Variants in ARHGAP6 observed in about 807,000 individuals in gnomAD.
ARHGAP6 encodes Rho GTPase activating protein 6.
A neutral mutation model predicts 55.7 loss-of-function variants in ARHGAP6; 16 were observed. The ratio of observed to expected loss-of-function variants is 0.29; its 90% CI spans 0.19 to 0.44. The LOEUF (loss-of-function observed/expected upper bound fraction) is 0.44. Ranked by LOEUF, ARHGAP6 falls within the 20% of genes least tolerant of loss-of-function variation. The pLI, the probability that ARHGAP6 is intolerant of heterozygous loss-of-function variation, is 1.00. For synonymous variants in ARHGAP6, 382 were observed against 360.9 expected, an observed-to-expected ratio of 1.06 and a Z score of -0.66; for missense variants, 698 against 808.9, an observed-to-expected ratio of 0.86 and a Z score of 1.66.
At chrX:11,193,577 T>G (rs1569249899) in intron 3 of ARHGAP6, among the ~76,000 whole-genome samples, 1 of 112,475 alleles carries the variant, frequency 8.9e-6, no homozygotes, top group African/African-American at 3.2e-5. Flanking sequence ...ACTTAAAATT[T>G]TTTTGTTTTG....
At chrX:11,327,987 C>T (rs1241912817) in intron 1 of ARHGAP6, among the ~76,000 whole-genome samples, 2 of 112,125 alleles carry the variant, frequency 1.8e-5, no homozygotes, top group Non-Finnish European at 3.8e-5. Flanking sequence ...TCAACAAAGA[C>T]ATTGCTGATT....
chrX:11,341,234 T>C (rs1464274790), intron 1 of ARHGAP6, among the ~76,000 whole-genome samples: 1 of 111,730 alleles, frequency 9.0e-6, no homozygotes, highest in Non-Finnish European at 1.9e-5. Context: ...CCAAAACCCA[T>C]GTCAACCCAG....
intron 2 of ARHGAP6, 112 bp from the exon 3 acceptor site, chrX:11,197,108 T>A (rs1376511741): frequency 4.3e-6 from 2 of 460,298 alleles, no homozygotes; most frequent in Non-Finnish European, 7.5e-6. Flanking sequence ...CACTTATAAT[T>A]TGACATTTTA....
intron 1 of ARHGAP6, among the ~76,000 whole-genome samples, chrX:11,649,262 A>G (rs1403570159): frequency 2.7e-5 from 3 of 111,679 alleles, no homozygotes; most frequent in African/African-American, 9.7e-5. Flanking sequence ...TGAACTTTCC[A>G]GGCATCCCAG....
chrX:11,404,113 T>G (rs967232261), intron 1 of ARHGAP6, among the ~76,000 whole-genome samples: 3 of 111,847 alleles, frequency 2.7e-5, no homozygotes, highest in Non-Finnish European at 3.8e-5. Flanking sequence ...CTCTTTAATT[T>G]CCACCACTTA....
chrX:11,442,842 G>T (rs2050053514), intron 1 of ARHGAP6, among the ~76,000 whole-genome samples: 1 of 111,880 alleles, frequency 8.9e-6, no homozygotes, highest in African/African-American at 3.3e-5. Context: ...AAGGGCCAGG[G>T]CTAATTATGT....
At chrX:11,540,564 C>G (rs773963264) in intron 1 of ARHGAP6, among the ~76,000 whole-genome samples, 1 of 111,638 alleles carries the variant, frequency 9.0e-6, no homozygotes, top group African/African-American at 3.3e-5. Flanking sequence ...GATGTCCCCC[C>G]AGCTTGAGAG....
At chrX:11,587,613 A>G (rs2051751149) in intron 1 of ARHGAP6, among the ~76,000 whole-genome samples, 1 of 112,112 alleles carries the variant, frequency 8.9e-6, no homozygotes, top group African/African-American at 3.2e-5. Flanking sequence ...TTGGTTCCCA[A>G]TAATTTAAAA....
chrX:11,338,652 T>G (rs1238400358), intron 1 of ARHGAP6, among the ~76,000 whole-genome samples: 1 of 112,222 alleles, frequency 8.9e-6, no homozygotes, highest in Non-Finnish European at 1.9e-5. Flanking sequence ...TGCCAATATC[T>G]TCTCACTTTG....
intron 1 of ARHGAP6, among the ~76,000 whole-genome samples, chrX:11,337,479 T>G (rs184308998): frequency 5.4e-5 from 6 of 112,055 alleles, no homozygotes; most frequent in African/African-American, 1.9e-4. Context: ...TGAATCAGTT[T>G]GGAGGTCTGA....
intron 1 of ARHGAP6, among the ~76,000 whole-genome samples, chrX:11,308,044 T>C (rs1448539870): frequency 8.9e-6 from 1 of 112,606 alleles, no homozygotes; most frequent in Non-Finnish European, 1.9e-5. Flanking sequence ...TTTATACCTA[T>C]GGTGGCATGT....
chrX:11,426,061 A>T (rs1193932569), intron 1 of ARHGAP6, among the ~76,000 whole-genome samples: 1 of 112,666 alleles, frequency 8.9e-6, no homozygotes, highest in Non-Finnish European at 1.9e-5. Flanking sequence ...ATGAACGAGC[A>T]TTAGTAACTT....
intron 1 of ARHGAP6, among the ~76,000 whole-genome samples, chrX:11,494,162 C>G (rs1201700314): frequency 8.9e-6 from 1 of 112,113 alleles, no homozygotes; most frequent in Non-Finnish European, 1.9e-5. Context: ...TCCACTGTGA[C>G]AACAAACACA....
At chrX:11,223,147 A>T (rs933044664) in intron 2 of ARHGAP6, 1 of 171,575 alleles carries the variant, frequency 5.8e-6, no homozygotes, top group Admixed American at 8.5e-5. Flanking sequence ...ATTTTCATTT[A>T]CTGTCTAGCT....
intron 1 of ARHGAP6, among the ~76,000 whole-genome samples, chrX:11,639,194 T>C (rs749473312): frequency 1.3e-4 from 14 of 110,983 alleles, no homozygotes; most frequent in Non-Finnish European, 2.6e-4. Context: ...GAAAAGAGTA[T>C]AAATTATTTT....
rs1323261836 is a variant in ARHGAP6 at position 11,193,068 on chromosome X, C to T, written c.820+3857G>A. On this transcript the variant is annotated intron_variant, in intron 3 of 12. Transcript: ENST00000337414. ...TAGTTCCCATATGTAAATCAAAAGT[C>T]ACATGGGCACTGCCTAAGTGGCATG... Among the ~76,000 whole-genome samples, 4 of 112,255 alleles carry T rather than the reference C, an allele frequency of 3.6e-5. No homozygotes were observed. The Admixed American group carries it at 3.8e-4, about 11-fold the overall frequency.
chrX:11,615,938 C>T (rs1014149258), intron 1 of ARHGAP6, among the ~76,000 whole-genome samples: 15 of 111,635 alleles, frequency 1.3e-4, no homozygotes, highest in Non-Finnish European at 2.8e-4. Flanking sequence ...AATTCAAACC[C>T]AACCCTTCTG....
At chrX:11,211,221 TG>T (rs1463786202) in intron 2 of ARHGAP6, among the ~76,000 whole-genome samples, 3 of 107,145 alleles carry the variant, frequency 2.8e-5, no homozygotes, top group Non-Finnish European at 3.8e-5. Flanking sequence ...CGAGAACTGC[TG>T]TTTTTTTTTT....
rs577350488 is a variant in ARHGAP6 at position 11,313,663 on chromosome X, T to C, written c.589-58956A>G. On this transcript the variant is annotated intron_variant, in intron 1 of 12. Transcript: ENST00000337414. The stretch of plus-strand genomic sequence containing the variant: ...CAACCTATAATTGATTTTACTTGTT[T>C]GTGCATTTGTCTATTGGCTGTCTCT... Among the ~76,000 whole-genome samples, 3 of 112,618 alleles carry C rather than the reference T, an allele frequency of 2.7e-5. No individual in the cohort carries two copies. In the South Asian group the frequency reaches 1.1e-3, roughly 42 times the overall value.
Sources: allele counts gnomAD v4.1 joint callset (sites outside exome capture counted in the v4.1 genomes callset), GRCh38; gene constraint gnomAD v4.1.1; transcripts MANE v1.5; gene names NCBI Gene and HGNC (gene_info 2026-07-23, HGNC 2026-07-21).